The following CFTR variants were observed in gnomAD, a reference collection of about 807,000 sequenced individuals.
CFTR encodes the protein cystic fibrosis transmembrane conductance regulator.
Under a neutral mutation model 171.6 loss-of-function variants are expected in CFTR, and 181 were observed. The observed-to-expected ratio is 1.05, with a 90% CI of 0.93 to 1.19. The LOEUF (loss-of-function observed/expected upper bound fraction) is 1.19, where lower values mean the gene tolerates loss of function less well. Among genes scored for constraint, CFTR ranks in the 50% most tolerant of loss-of-function variants. CFTR has a pLI of 0.00. For missense variants in CFTR, 1,968 were observed against 1,734.7 expected (o/e 1.13, Z -2.39); for synonymous variants, 583 against 608.0 (o/e 0.96, Z 0.60).
At chr7:117,538,764 T>C (rs1039316295) in intron 7 of CFTR, among the ~76,000 whole-genome samples, 4 of 152,184 alleles carry the variant, frequency 2.6e-5, no homozygotes, top group Non-Finnish European at 5.9e-5. Flanking sequence ...AAGCTGTAAC[T>C]GGCAGAACCA....
chr7:117,589,674 C>G (rs1432615358), intron 12 of CFTR, among the ~76,000 whole-genome samples: 1 of 151,866 alleles, frequency 6.6e-6, no homozygotes, highest in African/African-American at 2.4e-5. Context: ...CTCATACTTT[C>G]CTTATTTGGA....
chr7:117,630,561 G>T (rs1471880555), intron 22 of CFTR, among the ~76,000 whole-genome samples: 2 of 152,162 alleles, frequency 1.3e-5, no homozygotes, highest in Non-Finnish European at 2.9e-5. Flanking sequence ...AGAAAACTCA[G>T]CAAATCGAGA....
At chr7:117,584,164 T>C (rs1419674206) in intron 11 of CFTR, among the ~76,000 whole-genome samples, 3 of 152,190 alleles carry the variant, frequency 2.0e-5, no homozygotes, top group Admixed American at 6.5e-5. Flanking sequence ...GTGCAAAAGC[T>C]TTTCAGTTTA....
At chr7:117,512,335 A>C (rs933583376) in intron 3 of CFTR, among the ~76,000 whole-genome samples, 2 of 151,930 alleles carry the variant, frequency 1.3e-5, no homozygotes, top group Non-Finnish European at 2.9e-5. Context: ...AACATTTAAG[A>C]CTCCTAGCAA....
At chr7:117,558,585 A>ATAAATAAATAAATAAG (rs1562898069) in intron 10 of CFTR, among the ~76,000 whole-genome samples, 1 of 151,688 alleles carries the variant, frequency 6.6e-6, no homozygotes, top group Non-Finnish European at 1.5e-5. Context: ...AAATAAATAA[A>ATAAATAAATAAATAAG]TAAAATCAGT....
At position 117,648,988 on chromosome 7, in the gene CFTR, C is replaced by G. The variant is rs868210040; in HGVS notation, c.3874-3854C>G. On this transcript the variant is annotated intron_variant, in intron 23 of 26. Transcript: ENST00000003084. ...GACCTACAGAATTTCTGAATGGTAT[C>G]AAATTCACCACACTTAAAACTTTGG... Among the ~76,000 whole-genome samples the G allele has an allele frequency of 9.2e-5, 14 of 152,072 alleles. No homozygotes were observed. Among genetic ancestry groups the G allele is most frequent in the Middle Eastern group, 6.8e-3 (2 of 294 alleles).
chr7:117,495,275 G>T (rs1038974730), intron 1 of CFTR, among the ~76,000 whole-genome samples: 1 of 152,058 alleles, frequency 6.6e-6, no homozygotes, highest in African/African-American at 2.4e-5. Context: ...TTCCCAGATA[G>T]AATAAAAATC....
chr7:117,619,839 G>C (rs1268494807), intron 21 of CFTR, among the ~76,000 whole-genome samples: 1 of 152,060 alleles, frequency 6.6e-6, no homozygotes, highest in Non-Finnish European at 1.5e-5. Context: ...GATGCAATCT[G>C]AGAAGAGTTT....
chr7:117,612,023 G>GTATGTATATATA (rs1554392388), intron 20 of CFTR, among the ~76,000 whole-genome samples: 3 of 53,242 alleles, frequency 5.6e-5, no homozygotes, highest in African/African-American at 2.2e-4. Flanking sequence ...ATATATATAT[G>GTATGTATATATA]TATATATATA....
chr7:117,539,282 G>C (rs1483399448), intron 7 of CFTR, among the ~76,000 whole-genome samples: 1 of 152,156 alleles, frequency 6.6e-6, no homozygotes. Context: ...ATTTCCATTT[G>C]CATTTCAGAC....
intron 18 of CFTR, 68 bp downstream of exon 18, chr7:117,606,821 AT>A (rs1792308283): frequency 1.1e-6 from 1 of 938,456 alleles, no homozygotes; most frequent in Non-Finnish European, 1.8e-6. Flanking sequence ...AGCAAATGTG[AT>A]TTTGTTTTCA....
intron 9 of CFTR, among the ~76,000 whole-genome samples, chr7:117,542,661 A>G (rs755330811): frequency 2.6e-5 from 4 of 152,224 alleles, no homozygotes; most frequent in Non-Finnish European, 5.9e-5. Flanking sequence ...CAGATCAGGA[A>G]ATAATACAGA....
intron 21 of CFTR, among the ~76,000 whole-genome samples, chr7:117,625,501 A>C (rs1792637882): frequency 1.3e-5 from 2 of 152,158 alleles, no homozygotes. Flanking sequence ...TGTAATTTTG[A>C]GTCATTTAGA....
chr7:117,577,098 T>C (rs1791783152), intron 11 of CFTR, among the ~76,000 whole-genome samples: 1 of 152,100 alleles, frequency 6.6e-6, no homozygotes, highest in Non-Finnish European at 1.5e-5. Context: ...TTATTGATCT[T>C]GAAAGAGTTT....
rs201524392 is a variant in CFTR at position 117,540,377 on chromosome 7, A to C, written c.1116+31A>C. ...GTACCATAATGCTGCATTATATACT[A>C]TGATTTAAATAATCAGTCAATAGAT... On this transcript the variant is annotated intron_variant, in intron 8 of 26. Transcript: ENST00000003084. The C allele has an allele frequency of 3.3e-5, 53 of 1,586,856 alleles. No homozygotes were observed. The highest frequency in any genetic ancestry group is 4.5e-5 in the Non-Finnish European group (52 of 1,159,074).
rs1230436096 is a variant in CFTR, at chr7:117,612,010, T to TAAA, written c.3367+203_3367+204insAAA. ...CAAATAATTTCCTTGAAATCGGATA[T>TAAA]ATATATATATATGTATATATATATA... On this transcript the variant is annotated intron_variant, in intron 20 of 26. Transcript: ENST00000003084. Among the ~76,000 whole-genome samples, 70 of 57,390 alleles carry TAAA rather than the reference T, an allele frequency of 1.2e-3. 2 individuals are homozygous for TAAA. The highest frequency in any genetic ancestry group is 1.9e-3 in the Non-Finnish European group (61 of 32,442). 37.7% of individuals were successfully genotyped at this position (57,390 alleles called of 152,430 possible).
rs1792394932 is a variant in CFTR, at chr7:117,611,825, A to G, written c.3367+17A>G. ...TAACAACAGGTACTATGAACTCATT[A>G]ACTTTAGCTAAGCATTTAAGTAAAA... On this transcript the variant is annotated intron_variant, in intron 20 of 26. Coordinates refer to ENST00000003084, the MANE Select transcript of CFTR (RefSeq NM_000492.4). The G allele has an allele frequency of 6.4e-7, 1 of 1,562,252 alleles. No homozygotes were observed. The highest frequency in any genetic ancestry group is 8.8e-7 in the Non-Finnish European group (1 of 1,134,896).
chr7:117,537,078 G>A (rs1314217752), intron 7 of CFTR, among the ~76,000 whole-genome samples: 1 of 151,996 alleles, frequency 6.6e-6, no homozygotes, highest in African/African-American at 2.4e-5. Context: ...ATGTGTTATG[G>A]TATATTAAAC....
At chr7:117,644,420 GA>G (rs4148722) in intron 23 of CFTR, among the ~76,000 whole-genome samples, 33 of 143,842 alleles carry the variant, frequency 2.3e-4, no homozygotes, top group South Asian at 1.6e-3. Flanking sequence ...AGTTTAAAAA[GA>G]AAAAAAAAAG....
Sources: allele counts gnomAD v4.1 joint callset (sites outside exome capture counted in the v4.1 genomes callset), GRCh38; gene constraint gnomAD v4.1.1; transcripts MANE v1.5; gene names NCBI Gene and HGNC (gene_info 2026-07-23, HGNC 2026-07-21).